MYO3B: variants seen among roughly 807,000 people sequenced by gnomAD.
MYO3B encodes myosin IIIB.
In MYO3B, 156 loss-of-function variants were observed where a neutral mutation model predicts 174.6. That is an observed-to-expected ratio of 0.89 (90% CI 0.78 to 1.02). MYO3B has a LOEUF of 1.02. Among genes scored for constraint, MYO3B ranks in the 50% least tolerant of loss-of-function variants. The probability of loss-of-function intolerance (pLI) is 0.00; values close to 1 mark genes in which losing one functional copy is unlikely to be tolerated. For synonymous variants in MYO3B, 563 were observed against 569.1 expected (o/e 0.99, Z 0.15); for missense variants, 1,632 against 1,639.4 (o/e 1.00, Z 0.08).
chr2:170,371,647 A>T (rs1236651798), intron 9 of MYO3B, among the ~76,000 whole-genome samples: 2 of 151,638 alleles, frequency 1.3e-5, no homozygotes, highest in African/African-American at 4.9e-5. Flanking sequence ...TTCCATGCTG[A>T]TAAATCAATA....
intron 32 of MYO3B, chr2:170,643,895 G>A (rs1444404287): frequency 1.3e-5 from 2 of 152,214 alleles, no homozygotes; most frequent in Non-Finnish European, 2.9e-5. Flanking sequence ...CCTTGCAGTT[G>A]TCCTTCACTT....
chr2:170,391,191 G>A (rs116658903), intron 14 of MYO3B, among the ~76,000 whole-genome samples: 248 of 152,170 alleles, frequency 1.6e-3, no homozygotes, highest in Non-Finnish European at 2.7e-3. Context: ...GGACCTCACT[G>A]TCTCTGAAGC....
At chr2:170,446,850 T>C (rs2094846215) in intron 23 of MYO3B, among the ~76,000 whole-genome samples, 1 of 152,224 alleles carries the variant, frequency 6.6e-6, no homozygotes, top group Non-Finnish European at 1.5e-5. Context: ...CCATCAGATA[T>C]GAAGACCCAA....
At chr2:170,416,024 A>G (rs1248073953) in intron 22 of MYO3B, among the ~76,000 whole-genome samples, 1 of 152,206 alleles carries the variant, frequency 6.6e-6, no homozygotes, top group Non-Finnish European at 1.5e-5. Flanking sequence ...ACTTAAAATC[A>G]TGTCCTTAGG....
chr2:170,483,520 G>A (rs1685836041), intron 25 of MYO3B, among the ~76,000 whole-genome samples: 1 of 140,706 alleles, frequency 7.1e-6, no homozygotes, highest in African/African-American at 3.1e-5. Context: ...CCGAATAGCT[G>A]GGACTACAGG....
intron 32 of MYO3B, among the ~76,000 whole-genome samples, chr2:170,576,048 C>T (rs969412188): frequency 1.3e-5 from 2 of 152,132 alleles, no homozygotes; most frequent in Non-Finnish European, 1.5e-5. Context: ...AGCCAAAGTC[C>T]CCAGACTCCC....
At position 170,214,738 on chromosome 2, in the gene MYO3B, C is replaced by T. The variant is rs533036085; in HGVS notation, c.436C>T (p.His146Tyr). ...ILYGALLGLQ[H>Y]LHNNRIIHRD... is the part of the protein sequence containing the mutation. ...GTGGGATGCCATGCAGGGCCTTCAG[C>T]ATTTGCACAACAACCGAATCATCCA... Residue 146 changes from histidine to tyrosine, a missense_variant, in exon 5 of 35, where the codon CAT becomes TAT. Coordinates refer to ENST00000408978, the MANE Select transcript of MYO3B (RefSeq NM_138995.5). 3.5e-5 allele frequency: 56 copies of T among 1,613,954 alleles called. No homozygotes were observed. In the South Asian group the frequency reaches 6.1e-4, roughly 18 times the overall value.
intron 7 of MYO3B, among the ~76,000 whole-genome samples, chr2:170,290,779 G>C (rs1399978285): frequency 6.6e-6 from 1 of 151,738 alleles, no homozygotes; most frequent in African/African-American, 2.4e-5. Flanking sequence ...CTTCCTTTGT[G>C]GTTATTTTCA....
chr2:170,348,984 C>G lies in MYO3B; in HGVS notation c.815+13534C>G, dbSNP rs182198855. ...ATAATACTCTCCCTGGATCTCATCA[C>G]AAATTATCCTGCACAAAACAGTCAG... On this transcript the variant is annotated intron_variant, in intron 8 of 34. Coordinates refer to ENST00000408978, the MANE Select transcript of MYO3B (RefSeq NM_138995.5). Among the ~76,000 whole-genome samples the G allele has an allele frequency of 2.6e-5, 4 of 152,294 alleles. No individual in the cohort carries two copies. In the East Asian group the frequency reaches 7.7e-4, roughly 29 times the overall value.
At chr2:170,609,610 C>T (rs894859177) in intron 32 of MYO3B, among the ~76,000 whole-genome samples, 2 of 152,234 alleles carry the variant, frequency 1.3e-5, no homozygotes, top group Non-Finnish European at 2.9e-5. Context: ...GACCAAAAGA[C>T]AATTTATTGG....
chr2:170,213,402 C>T (rs1011972456), intron 3 of MYO3B, among the ~76,000 whole-genome samples: 3 of 152,076 alleles, frequency 2.0e-5, no homozygotes, highest in African/African-American at 7.2e-5. Context: ...CACCGGTGGT[C>T]AGAGTGAAAC....
At chr2:170,388,697 T>C (rs895799218) in intron 14 of MYO3B, among the ~76,000 whole-genome samples, 2 of 152,294 alleles carry the variant, frequency 1.3e-5, no homozygotes, top group African/African-American at 4.8e-5. Flanking sequence ...GCCAGATTCA[T>C]GTGAGAGAGA....
At chr2:170,448,039 G>C (rs1386963800) in intron 23 of MYO3B, among the ~76,000 whole-genome samples, 3 of 152,154 alleles carry the variant, frequency 2.0e-5, no homozygotes, top group African/African-American at 7.2e-5. Flanking sequence ...TTATCCCCAG[G>C]AGCAATCTGG....
Position 170,584,980 on chromosome 2 carries a change from G to T in MYO3B, c.3733+40992G>T, listed in dbSNP as rs1012490700. The stretch of plus-strand genomic sequence containing the variant: ...GAAATGCAGGTTCATGCTATTGACT[G>T]TTATTCCTCTCATGCAGCAGTTCTC... On this transcript the variant is annotated intron_variant, in intron 32 of 34. Transcript: ENST00000408978. Among the ~76,000 whole-genome samples, 29 of 152,216 alleles carry T rather than the reference G, an allele frequency of 1.9e-4. 1 individual carries two copies. Among genetic ancestry groups the T allele is most frequent in the Non-Finnish European group, 2.9e-5 (2 of 68,044 alleles).
chr2:170,399,239 T>C, intron 16 of MYO3B, among the ~76,000 whole-genome samples: 1 of 30,414 alleles, frequency 3.3e-5, no homozygotes, highest in Non-Finnish European at 7.7e-5. Flanking sequence ...CGAAATTCCG[T>C]CTCAAAAAAA....
intron 32 of MYO3B, among the ~76,000 whole-genome samples, chr2:170,620,264 C>G (rs1695802462): frequency 6.6e-6 from 1 of 152,070 alleles, no homozygotes; most frequent in Non-Finnish European, 1.5e-5. Flanking sequence ...CAAAACTCCA[C>G]TTTGCTTTTA....
chr2:170,252,673 T>A (rs528514102), intron 7 of MYO3B, among the ~76,000 whole-genome samples: 1 of 152,306 alleles, frequency 6.6e-6, no homozygotes, highest in African/African-American at 2.4e-5. Context: ...GGTGACAATA[T>A]GTCCCTGTAT....
Position 170,652,998 on chromosome 2 carries a change from T to C in MYO3B, c.3903T>C (p.Leu1301=). The change falls in exon 35 of 35, where the codon CTT becomes CTC. Residue 1301 remains leucine, a synonymous_variant. Transcript: ENST00000408978. ...TTTGTTGCAGCCAAATCAAAGTACTTGATGGGGAAGATGAATATTACAAAT... is the reference window on the plus strand; with the variant it reads ...TTTGTTGCAGCCAAATCAAAGTACTCGATGGGGAAGATGAATATTACAAAT... ...KPRKLGQIKV[L]DGEDEYYKSL... is the part of the protein sequence containing the mutation. 1 of 1,614,120 alleles carries C rather than the reference T, an allele frequency of 6.2e-7. No individual in the cohort carries two copies.
chr2:170,356,363 G>C (rs10432468), intron 8 of MYO3B, among the ~76,000 whole-genome samples: 77,887 of 151,584 alleles, frequency 0.51, 20,662 homozygotes, highest in Admixed American at 0.63. Context: ...TAGCATGGAG[G>C]CATTTCTTTT....
Sources: allele counts gnomAD v4.1 joint callset (sites outside exome capture counted in the v4.1 genomes callset), GRCh38; gene constraint gnomAD v4.1.1; transcripts MANE v1.5; gene names NCBI Gene and HGNC (gene_info 2026-07-23, HGNC 2026-07-21).